ZNF630: variants seen among roughly 807,000 people sequenced by gnomAD.
The protein encoded by ZNF630 is dJ54B20.2 (novel KRAB box containing C2H2 type zinc finger protein).
In ZNF630, 5 loss-of-function variants were observed where a neutral mutation model predicts 7.2. The ratio of observed to expected loss-of-function variants is 0.70; its 90% confidence interval spans 0.36 to 1.46. The LOEUF is 1.46. Among genes scored for constraint, ZNF630 ranks in the 40% most tolerant of loss-of-function variants. The pLI is 0.03. For missense variants in ZNF630, 461 were observed against 477.0 expected, an observed-to-expected ratio of 0.97 and a Z score of 0.31; for synonymous variants, 158 against 162.8, an observed-to-expected ratio of 0.97 and a Z score of 0.23.
Position 48,060,172 on chromosome X carries a change from C to G in ZNF630, c.270G>C (p.Gln90His), listed in dbSNP as rs1432773121. Residue 90 changes from glutamine (Q) to histidine (H), a missense_variant, in exon 5 of 5, where the codon CAG becomes CAC. By Grantham distance (24) the Gln-to-His change is conservative. Coordinates refer to ENST00000276054, the MANE Select transcript of ZNF630 (RefSeq NM_001282201.2). The part of the protein sequence containing the change: ...DRVKGLESSQ[Q>H]IISGELLFQR... ...GAAATAAAAGTTCTCCAGAAATGAT[C>G]TGCTGGGAAGATTCAAGGCCTTTCA... 1 of 1,151,067 alleles carries G rather than the reference C, an allele frequency of 8.7e-7. No homozygotes were observed. The highest frequency in any genetic ancestry group is 1.9e-5 in the African/African-American group (1 of 53,756). The allele number at this position is 1,151,067 out of a possible 1,213,427, so 94.9% of individuals were successfully genotyped here.
Position 48,058,514 on chromosome X carries a change from G to A in ZNF630, c.1928C>T (p.Thr643Ile), listed in dbSNP as rs782437744. The A allele has an allele frequency of 1.7e-6, 2 of 1,201,479 alleles. No homozygotes were observed. The highest frequency in any genetic ancestry group is 3.0e-5 in the East Asian group (1 of 33,739). Residue 643 changes from threonine (T) to isoleucine (I), a missense_variant, in exon 5 of 5, where the codon ACT becomes ATT. Thr to Ile is a moderately conservative substitution (Grantham distance 89). Coordinates refer to ENST00000276054, the MANE Select transcript of ZNF630 (RefSeq NM_001282201.2). ...GKAFCQHVYF[T>I]GHQNPYRKDT... ...TTTCCTATATGGATTCTGATGCCCA[G>A]TAAAGTATACATGCTGGCAGAATGC... is the stretch of plus-strand genomic sequence containing the variant.
chrX:48,058,702 G>C lies in ZNF630; in HGVS notation c.1740C>G (p.Phe580Leu). 2.5e-6 allele frequency: 3 copies of C among 1,207,537 alleles called. No homozygotes were observed. The highest frequency in any genetic ancestry group is 2.2e-6 in the Non-Finnish European group (2 of 892,721). The part of the protein sequence containing the change: ...PYECSECGKA[F>L]CGKSPLIIHQ... ...GTATAATGAGTGGAGACTTTCCACA[G>C]AAGGCCTTTCCACATTCACTACATT... Residue 580 changes from phenylalanine (F) to leucine (L), a missense_variant, in exon 5 of 5, where the codon TTC becomes TTG. Physicochemically the swap from Phe to Leu is conservative, Grantham distance 22. Coordinates refer to ENST00000276054, the MANE Select transcript of ZNF630 (RefSeq NM_001282201.2).
intron 1 of ZNF630, 80 bp from the exon 2 acceptor site, chrX:48,067,141 T>C (rs2146509798): frequency 5.6e-6 from 2 of 360,275 alleles, no homozygotes; most frequent in South Asian, 1.5e-4. Flanking sequence ...CACCATATTA[T>C]TGAAAATAAC....
At chrX:48,061,686 C>T in intron 2 of ZNF630, 1 of 287,229 alleles carries the variant, frequency 3.5e-6, no homozygotes, top group South Asian at 3.3e-5. Context: ...ATGCTGTTCT[C>T]ATAATAGTGA....
chrX:48,060,496 C>T lies in ZNF630; in HGVS notation c.192G>A (p.Lys64=). Residue 64 remains lysine (K), a synonymous_variant, in exon 4 of 5, where the codon AAG becomes AAA. Coordinates refer to ENST00000276054, the MANE Select transcript of ZNF630 (RefSeq NM_001282201.2). ...ACTCACTCTCTATGATCCATGGGTC[C>T]TTTCCATGTTCCAACTTAAAGATTA... ...PDVIFKLEHG[K]DPWIIESELS... 1 of 1,207,037 alleles carries T rather than the reference C, an allele frequency of 8.3e-7. No individual in the cohort carries two copies. The highest frequency in any genetic ancestry group is 1.1e-6 in the Non-Finnish European group (1 of 892,569).
intron 2 of ZNF630, among the ~76,000 whole-genome samples, chrX:48,062,555 G>A (rs1284266093): frequency 1.8e-5 from 2 of 112,060 alleles, no homozygotes; most frequent in Non-Finnish European, 3.8e-5. Flanking sequence ...CCAACATGGC[G>A]AAACCCCGTC....
chrX:48,060,116 T>A lies in ZNF630; in HGVS notation c.326A>T (p.Asp109Val), dbSNP rs781932408. The A allele has an allele frequency of 8.5e-7, 1 of 1,179,182 alleles. No individual in the cohort carries two copies. Among genetic ancestry groups the A allele is most frequent in the South Asian group, 1.9e-5 (1 of 54,014 alleles). Reference protein sequence around the residue: ...QREILERAPKDNSLYSVLKIW... With the variant: ...QREILERAPKVNSLYSVLKIW... ...TTTTAAAACAGAGTACAATGAATTA[T>A]CCTTTGGGGCTCTTTCTAGTATCTC... The change falls in exon 5 of 5, where the codon GAT becomes GTT. Residue 109 changes from aspartate (D) to valine (V), a missense_variant. Physicochemically the swap from Asp to Val is radical, Grantham distance 152. Transcript: ENST00000276054.
At chrX:48,064,064 A>G (rs2059119199) in intron 2 of ZNF630, among the ~76,000 whole-genome samples, 1 of 110,741 alleles carries the variant, frequency 9.0e-6, no homozygotes, top group Non-Finnish European at 1.9e-5. Context: ...AGGTCTGGTT[A>G]GGTCATGTAC....
At chrX:48,065,902 G>C (rs1325125350) in intron 2 of ZNF630, among the ~76,000 whole-genome samples, 1 of 111,306 alleles carries the variant, frequency 9.0e-6, no homozygotes, top group Non-Finnish European at 1.9e-5. Context: ...AGATCATGAT[G>C]ATGATGACGA....
At chrX:48,070,614 A>G (rs1556910923) in intron 1 of ZNF630, among the ~76,000 whole-genome samples, 2 of 44,735 alleles carry the variant, frequency 4.5e-5, no homozygotes, top group Admixed American at 2.0e-4. Flanking sequence ...CTTCGTCTAA[A>G]AAAAAAAAAA....
chrX:48,060,279 AC>A (rs2059098714), intron 4 of ZNF630, 76 bp from the exon 5 acceptor site: 10 of 640,546 alleles, frequency 1.6e-5, no homozygotes, highest in Non-Finnish European at 1.9e-5. Flanking sequence ...ACACACACAC[AC>A]ACACACAAAA....
intron 4 of ZNF630, 88 bp downstream of exon 4, chrX:48,060,362 A>G (rs2059099128): frequency 5.7e-6 from 6 of 1,044,841 alleles, no homozygotes; most frequent in Non-Finnish European, 7.8e-6. Flanking sequence ...GGCCTGATAA[A>G]TTTTAAGGAA....
rs782423723 is a variant in ZNF630, at chrX:48,059,884, C to T, written c.558G>A (p.Lys186=). The T allele has an allele frequency of 1.7e-6, 2 of 1,206,107 alleles. No individual in the cohort carries two copies. The highest frequency in any genetic ancestry group is 3.0e-5 in the East Asian group (1 of 33,680). The change falls in exon 5 of 5, where the codon AAG becomes AAA. Residue 186 remains lysine (K), a synonymous_variant. Transcript: ENST00000276054. ...HKFDSCENSL[K]SNSDLLNYNR... is the part of the protein sequence containing the mutation. ...TATAATTTAGTAAGTCTGAATTAGA[C>T]TTCAAGCTATTTTCACATGAATCAA...
At chrX:48,060,411 G>A in intron 4 of ZNF630, 39 bp downstream of exon 4, 2 of 1,123,639 alleles carry the variant, frequency 1.8e-6, no homozygotes, top group Non-Finnish European at 2.4e-6. Context: ...CAAGGAAGAA[G>A]AAGATGCCCG....
In ZNF630 at chrX:48,059,146, C is replaced by A. The variant is rs374904933; in HGVS notation, c.1296G>T (p.Lys432Asn). ...QRTHTGEKPY[K>N]CGECGKTFCQ... ...AGAAAGTTTTCCCACATTCACCACA[C>A]TTATAGGGCTTCTCTCCAGTATGCG... is the stretch of plus-strand genomic sequence containing the variant. The change falls in exon 5 of 5, where the codon AAG becomes AAT. Residue 432 changes from lysine to asparagine, a missense_variant. Coordinates refer to ENST00000276054, the MANE Select transcript of ZNF630 (RefSeq NM_001282201.2). 3.3e-6 allele frequency: 4 copies of A among 1,206,521 alleles called. No homozygotes were observed. The African/African-American group carries it at 7.1e-5, about 21-fold the overall frequency.
At chrX:48,061,007 G>A (rs1434759916) in intron 2 of ZNF630, 62 bp from the exon 3 acceptor site, 9 of 1,059,039 alleles carry the variant, frequency 8.5e-6, no homozygotes, top group East Asian at 3.1e-5. Context: ...AGCAGTACAT[G>A]TAGGATGCCT....
intron 1 of ZNF630, among the ~76,000 whole-genome samples, chrX:48,068,289 AAGGAAGG>A (rs2059143222): frequency 9.4e-6 from 1 of 106,281 alleles, no homozygotes; most frequent in African/African-American, 3.7e-5. Flanking sequence ...GGAAGGAAGG[AAGGAAGG>A]AAGAAAGGGA....
intron 1 of ZNF630, among the ~76,000 whole-genome samples, chrX:48,070,335 G>C (rs1000727379): frequency 9.3e-6 from 1 of 108,101 alleles, no homozygotes; most frequent in African/African-American, 3.4e-5. Flanking sequence ...TCCTGGCCGG[G>C]CACGGTGGCT....
In ZNF630 at chrX:48,061,987, T is replaced by A. The variant is rs187278059; in HGVS notation, c.16-1042A>T. On this transcript the variant is annotated intron_variant, in intron 2 of 4. Coordinates refer to ENST00000276054, the MANE Select transcript of ZNF630 (RefSeq NM_001282201.2). ...ATAAAATGCAAATGTTTTTTAAACATGTAAAAAGATGCTCAACTTCACTCA... is the reference window on the plus strand; with the variant it reads ...ATAAAATGCAAATGTTTTTTAAACAAGTAAAAAGATGCTCAACTTCACTCA... Among the ~76,000 whole-genome samples, 11 of 111,890 alleles carry A rather than the reference T, an allele frequency of 9.8e-5. 1 individual carries two copies. In the Admixed American group the frequency reaches 1.0e-3, roughly 11 times the overall value.
Sources: allele counts gnomAD v4.1 joint callset (sites outside exome capture counted in the v4.1 genomes callset), GRCh38; gene constraint gnomAD v4.1.1; transcripts MANE v1.5; gene names NCBI Gene and HGNC (gene_info 2026-07-23, HGNC 2026-07-21).